Variants in MAST4 observed in about 807,000 individuals in gnomAD.
The protein encoded by MAST4 is microtubule associated serine/threonine kinase family member 4, also known as microtubule-associated serine/threonine-protein kinase 4.
A neutral mutation model predicts 162.7 loss-of-function variants in MAST4; 89 were observed. That is an observed-to-expected ratio of 0.55 (90% CI 0.46 to 0.65). The LOEUF (loss-of-function observed/expected upper bound fraction) is 0.65. Among genes scored for constraint, MAST4 ranks in the 30% least tolerant of loss-of-function variants. The pLI is 0.00. For missense variants in MAST4, 3,153 were observed against 3,374.0 expected (o/e 0.93, Z 1.62); for synonymous variants, 1,479 against 1,361.1 (o/e 1.09, Z -1.91).
chr5:66,824,083 C>T (rs1249542109), intron 3 of MAST4, among the ~76,000 whole-genome samples: 1 of 152,218 alleles, frequency 6.6e-6, no homozygotes, highest in Non-Finnish European at 1.5e-5. Flanking sequence ...GCCATATTGA[C>T]TTACCTCTGA....
chr5:66,992,456 A>G (rs1469218781), intron 4 of MAST4, among the ~76,000 whole-genome samples: 2 of 147,396 alleles, frequency 1.4e-5, no homozygotes, highest in Non-Finnish European at 3.0e-5. Flanking sequence ...CATCTACTAA[A>G]CTCAGACTTC....
chr5:67,003,034 A>G (rs143169524), intron 4 of MAST4, among the ~76,000 whole-genome samples: 127 of 151,352 alleles, frequency 8.4e-4, no homozygotes, highest in African/African-American at 2.7e-3. Flanking sequence ...TATCCAGCCT[A>G]TGTCAACAGT....
In MAST4 at chr5:67,119,643, G is replaced by A. The variant is rs576667969; in HGVS notation, c.1659+894G>A. On this transcript the variant is annotated intron_variant, in intron 13 of 28. Transcript: ENST00000403625. ...CATAGTAAGTGCTAAATAAATGATA[G>A]CTGTTTTCTTTTATTATCTGACTCA... Among the ~76,000 whole-genome samples the A allele has an allele frequency of 3.0e-4, 45 of 152,294 alleles. No homozygotes were observed. In the South Asian group the frequency reaches 8.9e-3, roughly 30 times the overall value.
chr5:67,074,979 G>A (rs1284345208), intron 5 of MAST4, among the ~76,000 whole-genome samples: 1 of 152,086 alleles, frequency 6.6e-6, no homozygotes, highest in Non-Finnish European at 1.5e-5. Flanking sequence ...CAGTTAAACA[G>A]TTTTATGTGT....
chr5:66,699,867 C>G (rs1749652341), intron 1 of MAST4, among the ~76,000 whole-genome samples: 1 of 151,946 alleles, frequency 6.6e-6, no homozygotes, highest in Non-Finnish European at 1.5e-5. Flanking sequence ...CCGTGGCACA[C>G]ATTTGCCTGT....
chr5:66,996,285 A>AATATAT (rs373367464), intron 4 of MAST4, among the ~76,000 whole-genome samples: 2 of 151,596 alleles, frequency 1.3e-5, no homozygotes, highest in Non-Finnish European at 2.9e-5. Context: ...ATCTCAAAAA[A>AATATAT]ATATATATAT....
chr5:66,939,268 A>T (rs984534079), intron 4 of MAST4, among the ~76,000 whole-genome samples: 1 of 152,192 alleles, frequency 6.6e-6, no homozygotes, highest in Non-Finnish European at 1.5e-5. Context: ...TTAATTAAAC[A>T]CAGTGGAAGA....
chr5:66,950,122 C>T (rs1343409319), intron 4 of MAST4, among the ~76,000 whole-genome samples: 2 of 152,090 alleles, frequency 1.3e-5, no homozygotes, highest in African/African-American at 4.8e-5. Flanking sequence ...ACCCCATATT[C>T]CACCACCTTA....
chr5:66,620,787 T>C (rs1301519392), intron 1 of MAST4, among the ~76,000 whole-genome samples: 1 of 152,174 alleles, frequency 6.6e-6, no homozygotes, highest in Non-Finnish European at 1.5e-5. Flanking sequence ...CTGATTTTTT[T>C]TTTTTAAATG....
Position 67,110,275 on chromosome 5 carries a change from T to G in MAST4, c.1458+76T>G, listed in dbSNP as rs1766085453. ...AGTTACCATCAGAAAGCTCCTTCATTTGGTTTCCAGCACCAGAGCTAAATG... is the reference window on the plus strand; with the variant it reads ...AGTTACCATCAGAAAGCTCCTTCATGTGGTTTCCAGCACCAGAGCTAAATG... On this transcript the variant is annotated intron_variant, in intron 11 of 28. Coordinates refer to ENST00000403625, the MANE Select transcript of MAST4 (RefSeq NM_001164664.2). 1.0e-5 allele frequency: 11 copies of G among 1,089,062 alleles called. No homozygotes were observed. In the East Asian group the frequency reaches 2.6e-4, roughly 26 times the overall value. The allele number at this position is 1,089,062 out of a possible 1,614,324, so 67.5% of individuals were successfully genotyped here.
At chr5:66,898,472 C>G (rs940136255) in intron 3 of MAST4, among the ~76,000 whole-genome samples, 3 of 140,328 alleles carry the variant, frequency 2.1e-5, no homozygotes, top group African/African-American at 7.5e-5. Context: ...GGAAAACTGT[C>G]TTGGTCAGAG....
chr5:67,117,906 G>A (rs1767115765), intron 12 of MAST4, among the ~76,000 whole-genome samples: 1 of 152,126 alleles, frequency 6.6e-6, no homozygotes, highest in Admixed American at 6.5e-5. Context: ...CTTAAAGCTG[G>A]TGTCAAGCAT....
intron 4 of MAST4, among the ~76,000 whole-genome samples, chr5:66,922,962 C>T (rs1390450957): frequency 2.0e-5 from 3 of 152,148 alleles, no homozygotes; most frequent in Non-Finnish European, 4.4e-5. Flanking sequence ...TTCATCTTCT[C>T]GGGCATCCAA....
intron 1 of MAST4, 116 bp downstream of exon 1, chr5:66,597,134 C>A: frequency 8.2e-7 from 1 of 1,219,724 alleles, no homozygotes; most frequent in Non-Finnish European, 1.0e-6. Flanking sequence ...TAGGGAGGGA[C>A]CCCAAGCGCT....
chr5:66,875,720 T>A (rs1171207274), intron 3 of MAST4, among the ~76,000 whole-genome samples: 1 of 152,234 alleles, frequency 6.6e-6, no homozygotes, highest in Non-Finnish European at 1.5e-5. Context: ...AGGTAAAATG[T>A]CTGCATTATT....
intron 15 of MAST4, among the ~76,000 whole-genome samples, chr5:67,131,272 A>G (rs1561695186): frequency 6.6e-6 from 1 of 152,202 alleles, no homozygotes; most frequent in Non-Finnish European, 1.5e-5. Context: ...TCTTAACAAA[A>G]ACAATTACTA....
intron 4 of MAST4, chr5:66,916,979 A>G (rs1437096751): frequency 4.2e-6 from 3 of 717,874 alleles, no homozygotes; most frequent in Non-Finnish European, 7.8e-6. Flanking sequence ...TTTTTCTCCT[A>G]TAGGATAGAT....
At chr5:66,756,305 T>C (rs1354689946) in intron 1 of MAST4, among the ~76,000 whole-genome samples, 2 of 152,216 alleles carry the variant, frequency 1.3e-5, no homozygotes, top group Non-Finnish European at 1.5e-5. Context: ...GGTAAGGACA[T>C]ATTGCTGTTT....
intron 3 of MAST4, chr5:66,792,646 C>T (rs1364018): frequency 0.049 from 7,442 of 152,082 alleles, 274 homozygotes; most frequent in South Asian, 0.13. Context: ...GCTTTGCTGT[C>T]CAGTGTGCAT....
Sources: gnomAD v4.1 joint callset for allele counts (sites outside exome capture counted in the v4.1 genomes callset) on GRCh38, gnomAD v4.1.1 for gene constraint, MANE v1.5 for transcripts, NCBI Gene and HGNC (gene_info 2026-07-23, HGNC 2026-07-21) for gene names.